VKORC1L1: variants seen among roughly 807,000 people sequenced by gnomAD.
VKORC1L1 encodes the protein vitamin K epoxide reductase complex subunit 1L1.
VKORC1L1 carries 2 observed loss-of-function variants against 18.9 expected under a neutral mutation model. That is an observed-to-expected ratio of 0.11 (90% confidence interval 0.04 to 0.33). VKORC1L1 has a LOEUF of 0.33. VKORC1L1 is among the 10% of genes least tolerant of loss of function. The probability of loss-of-function intolerance (pLI) is 1.00; values close to 1 mark genes in which losing one functional copy is unlikely to be tolerated. For synonymous variants in VKORC1L1, 96 were observed against 100.0 expected (o/e 0.96, Z 0.24); for missense variants, 123 against 224.1 (o/e 0.55, Z 2.88).
At chr7:65,920,656 G>A (rs1789660786) in intron 1 of VKORC1L1, among the ~76,000 whole-genome samples, 1 of 152,012 alleles carries the variant, frequency 6.6e-6, no homozygotes, top group South Asian at 2.1e-4. Context: ...TAGCTTCTGT[G>A]GTGTCGTGTC....
chr7:65,944,603 A>T (rs1790087689), intron 1 of VKORC1L1, among the ~76,000 whole-genome samples: 1 of 151,832 alleles, frequency 6.6e-6, no homozygotes. Context: ...GAAGTTTTCT[A>T]TAATTTTTTT....
chr7:65,933,406 T>A (rs1789890471), intron 1 of VKORC1L1, among the ~76,000 whole-genome samples: 1 of 152,218 alleles, frequency 6.6e-6, no homozygotes, highest in Non-Finnish European at 1.5e-5. Context: ...AGTTCCCTTG[T>A]CCTGGAGACT....
intron 1 of VKORC1L1, among the ~76,000 whole-genome samples, chr7:65,894,233 G>C (rs1418131037): frequency 1.3e-5 from 2 of 151,930 alleles, no homozygotes; most frequent in Non-Finnish European, 2.9e-5. Flanking sequence ...AGGATTACAG[G>C]CATGAGCCAC....
chr7:65,879,457 G>C (rs1034156565), intron 1 of VKORC1L1, among the ~76,000 whole-genome samples: 5 of 152,174 alleles, frequency 3.3e-5, no homozygotes, highest in Non-Finnish European at 7.3e-5. Flanking sequence ...GCTAGGCAGT[G>C]TTCTAAATGT....
chr7:65,897,975 A>G (rs1789244076), intron 1 of VKORC1L1, among the ~76,000 whole-genome samples: 1 of 150,814 alleles, frequency 6.6e-6, no homozygotes, highest in Admixed American at 6.6e-5. Context: ...GAAGGTATTC[A>G]TTGCTGTGTT....
At chr7:65,928,322 A>G (rs1376617868) in intron 1 of VKORC1L1, among the ~76,000 whole-genome samples, 1 of 136,452 alleles carries the variant, frequency 7.3e-6, no homozygotes, top group Non-Finnish European at 1.5e-5. Flanking sequence ...AACTCCTGGG[A>G]TCAAGAGATC....
At chr7:65,934,138 G>T (rs541239435) in intron 1 of VKORC1L1, among the ~76,000 whole-genome samples, 1 of 152,120 alleles carries the variant, frequency 6.6e-6, no homozygotes, top group African/African-American at 2.4e-5. Context: ...GCTCATGCCT[G>T]TAATCCCAGC....
chr7:65,886,924 A>G (rs1283138909), intron 1 of VKORC1L1, among the ~76,000 whole-genome samples: 6 of 135,490 alleles, frequency 4.4e-5, no homozygotes, highest in Admixed American at 8.6e-5. Flanking sequence ...ATCTTGGCTC[A>G]CTGAAACCTC....
rs562250035 is a variant in VKORC1L1, at chr7:65,917,286, G to A, written c.195-31385G>A. Among the ~76,000 whole-genome samples the A allele has an allele frequency of 2.9e-4, 44 of 152,050 alleles. No individual in the cohort carries two copies. The South Asian group carries it at 8.5e-3, about 29-fold the overall frequency. On this transcript the variant is annotated intron_variant, in intron 1 of 2. Transcript: ENST00000360768. ...ACCTTTTCTCTGTGCGTTGATTTAGGCCTTCATTGTTCTTCTAGGTTTCCT... is the reference window on the plus strand; with the variant it reads ...ACCTTTTCTCTGTGCGTTGATTTAGACCTTCATTGTTCTTCTAGGTTTCCT...
intron 1 of VKORC1L1, among the ~76,000 whole-genome samples, chr7:65,882,356 G>T (rs1458587396): frequency 6.7e-6 from 1 of 150,228 alleles, no homozygotes; most frequent in East Asian, 1.9e-4. Context: ...TCCAGCCTGG[G>T]CAACAAGAGT....
In VKORC1L1 at chr7:65,958,190, G is replaced by A. The variant is rs1211908483; in HGVS notation, c.*3890G>A. On this transcript the variant is annotated 3_prime_UTR_variant, in exon 3 of 3. Coordinates refer to ENST00000360768, the MANE Select transcript of VKORC1L1 (RefSeq NM_173517.6). ...TCCATCAAACAAAAAGGGCAAGGGT[G>A]GGAGCCCCGGCTACTTGGTTAAACA... 6.6e-6 allele frequency: 1 copy of A among 152,248 alleles called. No homozygotes were observed. The highest frequency in any genetic ancestry group is 1.9e-4 in the East Asian group (1 of 5,198). 9.4% of individuals were successfully genotyped at this position (152,248 alleles called of 1,614,324 possible). A position where few individuals can be genotyped will look rare whatever the true frequency, so the allele number is the denominator to read the frequency against.
At chr7:65,948,607 A>G in intron 1 of VKORC1L1, 64 bp from the exon 2 acceptor site, 1 of 589,638 alleles carries the variant, frequency 1.7e-6, no homozygotes. Flanking sequence ...GTTCTCAAAT[A>G]ATGATACATT....
chr7:65,909,950 T>C (rs1226116952), intron 1 of VKORC1L1, among the ~76,000 whole-genome samples: 1 of 151,928 alleles, frequency 6.6e-6, no homozygotes, highest in Non-Finnish European at 1.5e-5. Flanking sequence ...ACTCCTGACC[T>C]CGTGATCCAC....
chr7:65,924,828 A>G (rs992354729), intron 1 of VKORC1L1, among the ~76,000 whole-genome samples: 1 of 152,202 alleles, frequency 6.6e-6, no homozygotes, highest in Admixed American at 6.5e-5. Flanking sequence ...GTTACTCTGT[A>G]TTCTATGAAT....
chr7:65,913,813 G>C (rs1358540256), intron 1 of VKORC1L1, among the ~76,000 whole-genome samples: 1 of 151,744 alleles, frequency 6.6e-6, no homozygotes, highest in South Asian at 2.1e-4. Flanking sequence ...TCAGAGGTCT[G>C]ATTGAAATTA....
chr7:65,954,136 G>T lies in VKORC1L1; in HGVS notation c.367G>T (p.Gly123Trp). 1 of 1,610,668 alleles carries T rather than the reference G, an allele frequency of 6.2e-7. No homozygotes were observed. The highest frequency in any genetic ancestry group is 8.5e-7 in the Non-Finnish European group (1 of 1,177,044). The change falls in exon 3 of 3, where the codon GGG (glycine) becomes TGG (tryptophan). Residue 123 changes from glycine (G) to tryptophan (W), a missense_variant. Transcript: ENST00000360768. Reference sequence around the variant, plus strand: ...GACGTCCTCCATCATGTCGGTCGTGGGGTCCCTGTACCTGGCCTACATTCT... The same window carrying T: ...GACGTCCTCCATCATGTCGGTCGTGTGGTCCCTGTACCTGGCCTACATTCT... ...LMTSSIMSVV[G>W]SLYLAYILYF...
At position 65,897,869 on chromosome 7, in the gene VKORC1L1, A is replaced by G. The variant is rs557826082; in HGVS notation, c.194+24304A>G. 2.7e-4 allele frequency among the ~76,000 whole-genome samples: 41 copies of G among 152,268 alleles called. 1 individual carries two copies. In the South Asian group the frequency reaches 5.8e-3, roughly 22 times the overall value. On this transcript the variant is annotated intron_variant, in intron 1 of 2. Transcript: ENST00000360768. Reference sequence around the variant, plus strand: ...AGTCACACATCACACAATCACACATAAAGAATGCACATAACTTTTGTTTTA... The same window carrying G: ...AGTCACACATCACACAATCACACATGAAGAATGCACATAACTTTTGTTTTA...
chr7:65,935,870 CTCTT>C (rs750513522), intron 1 of VKORC1L1, among the ~76,000 whole-genome samples: 7 of 152,078 alleles, frequency 4.6e-5, no homozygotes, highest in Admixed American at 1.3e-4. Flanking sequence ...GTGCATCAAT[CTCTT>C]TCTTTCTCCT....
chr7:65,873,648 T>C (rs1463188813), intron 1 of VKORC1L1, 83 bp downstream of exon 1: 7 of 1,114,826 alleles, frequency 6.3e-6, no homozygotes, highest in Middle Eastern at 4.0e-4. Context: ...CGGCGGGAGC[T>C]CAGGCCTGGG....
Sources: allele counts gnomAD v4.1 joint callset (sites outside exome capture counted in the v4.1 genomes callset), GRCh38; gene constraint gnomAD v4.1.1; transcripts MANE v1.5; gene names NCBI Gene and HGNC (gene_info 2026-07-23, HGNC 2026-07-21).